The following NLRC5 variants were observed in gnomAD, a reference collection of about 807,000 sequenced individuals.
NLRC5 encodes the protein protein NLRC5.
NLRC5 carries 114 observed loss-of-function variants against 206.9 expected under a neutral mutation model. The observed-to-expected ratio is 0.55, with a 90% confidence interval of 0.47 to 0.64. The LOEUF is 0.64. NLRC5 is among the 30% of genes least tolerant of loss of function. The pLI is 0.00. For missense variants in NLRC5, 2,008 were observed against 2,305.5 expected (o/e 0.87, Z 2.64); for synonymous variants, 952 against 962.8 (o/e 0.99, Z 0.21).
intron 1 of NLRC5, chr16:56,990,750 T>C (rs1566439): frequency 0.37 from 56,369 of 152,000 alleles, 11,361 homozygotes; most frequent in East Asian, 0.6. Context: ...TCCCTTCAAA[T>C]CACCTTCCGT....
At chr16:57,041,411 G>T in intron 17 of NLRC5, 74 bp from the exon 18 acceptor site, 2 of 1,233,548 alleles carry the variant, frequency 1.6e-6, no homozygotes, top group South Asian at 1.3e-5. Context: ...CTCTGTGTCT[G>T]GGGGGTGGGA....
intron 39 of NLRC5, among the ~76,000 whole-genome samples, chr16:57,075,353 G>A (rs1046608832): frequency 4.6e-5 from 7 of 152,196 alleles, no homozygotes; most frequent in South Asian, 2.1e-4. Flanking sequence ...CCGAGTAGCC[G>A]GGATTATAGG....
intron 4 of NLRC5, among the ~76,000 whole-genome samples, chr16:57,022,608 C>T (rs551666948): frequency 6.6e-6 from 1 of 152,232 alleles, no homozygotes; most frequent in African/African-American, 2.4e-5. Flanking sequence ...GCCCGCAACC[C>T]GCAGGGCCTC....
chr16:57,077,167 T>A (rs1268759789), intron 40 of NLRC5, 129 bp from the exon 41 acceptor site: 2 of 806,552 alleles, frequency 2.5e-6, no homozygotes, highest in Non-Finnish European at 4.1e-6. Context: ...TCACTCAACA[T>A]GGGGTGATGG....
chr16:57,015,925 CAAAAAAAAA>C (rs35216159), intron 1 of NLRC5, among the ~76,000 whole-genome samples: 2 of 39,664 alleles, frequency 5.0e-5, no homozygotes, highest in African/African-American at 1.1e-4. Context: ...AACTCCATCT[CAAAAAAAAA>C]AAAAAAAAAA....
chr16:57,061,966 A>G, intron 32 of NLRC5: 2 of 1,498,896 alleles, frequency 1.3e-6, no homozygotes, highest in South Asian at 1.2e-5. Context: ...TTCAGAGGAT[A>G]CTGAACTGAG....
At chr16:57,007,862 T>C (rs753481407) in intron 1 of NLRC5, among the ~76,000 whole-genome samples, 1 of 152,272 alleles carries the variant, frequency 6.6e-6, no homozygotes. Flanking sequence ...AAAACATTTA[T>C]ACATTTATAG....
At position 57,081,209 on chromosome 16, in the gene NLRC5, C is replaced by A. The variant is rs143288332; in HGVS notation, c.5405+28C>A. The A allele has an allele frequency of 3.3e-5, 51 of 1,532,994 alleles. No individual in the cohort carries two copies. The East Asian group carries it at 7.3e-4, about 22-fold the overall frequency. 95.0% of individuals were successfully genotyped at this position (1,532,994 alleles called of 1,614,324 possible). A position where few individuals can be genotyped will look rare whatever the true frequency, so the allele number is the denominator to read the frequency against. The stretch of plus-strand genomic sequence containing the variant: ...ATGAGGGGCCGGGGGAGGAATGGGA[C>A]GGGCTAAAGGGGGACCTACATCCCG... On this transcript the variant is annotated intron_variant, in intron 47 of 48. Transcript: ENST00000688547.
intron 10 of NLRC5, 115 bp downstream of exon 10, chr16:57,030,199 C>T (rs1456792385): frequency 7.5e-6 from 6 of 803,114 alleles, no homozygotes; most frequent in Non-Finnish European, 1.0e-5. Context: ...GCATACCCTA[C>T]TGTTTTACTC....
chr16:57,022,426 A>C, intron 4 of NLRC5, 111 bp downstream of exon 4: 1 of 935,382 alleles, frequency 1.1e-6, no homozygotes, highest in Non-Finnish European at 1.7e-6. Context: ...GCCATTTCTC[A>C]TAGGCCATGC....
intron 4 of NLRC5, 71 bp from the exon 5 acceptor site, chr16:57,023,713 CA>C: frequency 7.4e-7 from 1 of 1,349,984 alleles, no homozygotes. Flanking sequence ...TGGAGTTCCC[CA>C]AAGGTTCTGG....
intron 46 of NLRC5, 157 bp from the exon 47 acceptor site, chr16:57,080,941 G>A (rs567516715): frequency 1.7e-5 from 10 of 600,264 alleles, no homozygotes; most frequent in African/African-American, 5.6e-5. Flanking sequence ...GCACCCTGAC[G>A]TCTTCAGGGG....
At chr16:57,070,433 GGCC>G in intron 37 of NLRC5, 99 bp from the exon 38 acceptor site, 1 of 975,980 alleles carries the variant, frequency 1.0e-6, no homozygotes, top group Non-Finnish European at 1.6e-6. Flanking sequence ...ATGCAGAGTT[GGCC>G]TCCCAGGGGA....
intron 32 of NLRC5, chr16:57,062,338 C>A: frequency 2.9e-6 from 1 of 341,154 alleles, no homozygotes; most frequent in South Asian, 2.4e-5. Context: ...AAAATGTCCC[C>A]ATTGTCCCCC....
At position 57,070,852 on chromosome 16, in the gene NLRC5, G is replaced by C. The variant is rs1450762689; in HGVS notation, c.4667+234G>C. 1.6e-4 allele frequency among the ~76,000 whole-genome samples: 22 copies of C among 136,550 alleles called. 1 individual carries two copies. Among genetic ancestry groups the C allele is most frequent in the Non-Finnish European group, 3.3e-4 (22 of 66,002 alleles). 89.6% of individuals were successfully genotyped at this position (136,550 alleles called of 152,430 possible). ...AGTGAGTGGTGATGGTGGTTAATGG[G>C]GAAGGGTGTGAGAGTGGTGATGGTG... is the stretch of plus-strand genomic sequence containing the variant. On this transcript the variant is annotated intron_variant, in intron 38 of 48. Coordinates refer to ENST00000688547, the MANE Select transcript of NLRC5 (RefSeq NM_001384950.1).
intron 46 of NLRC5, among the ~76,000 whole-genome samples, chr16:57,080,557 T>C (rs2145156999): frequency 7.0e-6 from 1 of 142,132 alleles, no homozygotes; most frequent in East Asian, 2.2e-4. Context: ...CAATCTCGGC[T>C]CACTGCAACC....
chr16:57,018,870 G>A (rs750176291), intron 2 of NLRC5, among the ~76,000 whole-genome samples: 9 of 152,108 alleles, frequency 5.9e-5, no homozygotes, highest in Non-Finnish European at 1.2e-4. Flanking sequence ...CCATTTAGTT[G>A]GCCAATCCCC....
chr16:57,080,734 T>C (rs745468137), intron 46 of NLRC5: 83 of 191,892 alleles, frequency 4.3e-4, no homozygotes, highest in Non-Finnish European at 4.8e-4. Flanking sequence ...CCCAAAGTGC[T>C]GGGATTACAG....
At chr16:57,056,254 T>C (rs2065643005) in intron 27 of NLRC5, among the ~76,000 whole-genome samples, 1 of 152,172 alleles carries the variant, frequency 6.6e-6, no homozygotes, top group Non-Finnish European at 1.5e-5. Context: ...TCTGTTGTGA[T>C]GTGGCAGAGA....
Sources: gnomAD v4.1 joint callset for allele counts (sites outside exome capture counted in the v4.1 genomes callset) on GRCh38, gnomAD v4.1.1 for gene constraint, MANE v1.5 for transcripts, NCBI Gene and HGNC (gene_info 2026-07-23, HGNC 2026-07-21) for gene names.